The following TBC1D12 variants were observed in gnomAD, a reference collection of about 807,000 sequenced individuals.
TBC1D12 encodes the protein TBC1 domain family, member 12.
In TBC1D12, 56 loss-of-function variants were observed where a neutral mutation model predicts 86.7. The ratio of observed to expected loss-of-function variants is 0.65; its 90% CI spans 0.52 to 0.81. The LOEUF is 0.81. TBC1D12 is among the 30% of genes least tolerant of loss of function. The pLI, the probability that TBC1D12 is intolerant of heterozygous loss-of-function variation, is 0.00. For missense variants in TBC1D12, 1,023 were observed against 1,038.8 expected (o/e 0.98, Z 0.21); for synonymous variants, 421 against 411.7 (o/e 1.02, Z -0.27).
chr10:94,472,040 G>C (rs981014117), intron 2 of TBC1D12, among the ~76,000 whole-genome samples: 2 of 152,082 alleles, frequency 1.3e-5, no homozygotes, highest in African/African-American at 4.8e-5. Context: ...GTGGATTGGG[G>C]ATTCAGGCAT....
At chr10:94,482,967 A>G (rs1194258956) in intron 3 of TBC1D12, among the ~76,000 whole-genome samples, 1 of 152,086 alleles carries the variant, frequency 6.6e-6, no homozygotes, top group Admixed American at 6.6e-5. Context: ...ATATTGTTGC[A>G]AATGACAGGC....
At chr10:94,440,166 T>C (rs1480552193) in intron 1 of TBC1D12, among the ~76,000 whole-genome samples, 1 of 152,018 alleles carries the variant, frequency 6.6e-6, no homozygotes, top group Non-Finnish European at 1.5e-5. Flanking sequence ...GTTTATTTCC[T>C]TTTCCTTTCT....
At chr10:94,436,837 A>G (rs911441234) in intron 1 of TBC1D12, among the ~76,000 whole-genome samples, 2 of 151,272 alleles carry the variant, frequency 1.3e-5, no homozygotes, top group African/African-American at 4.9e-5. Flanking sequence ...CCTCCCGAGT[A>G]GCTGGGACTA....
Position 94,516,357 on chromosome 10 carries a change from GA to G in TBC1D12, c.1761+4710del, listed in dbSNP as rs905298271. On this transcript the variant is annotated intron_variant, in intron 9 of 12. Transcript: ENST00000225235. ...AATCTATTAGAGAAACTACATAAAT[GA>G]AAAAAACAAAACAAATTTATTTTTT... Among the ~76,000 whole-genome samples, 10 of 151,674 alleles carry G rather than the reference GA, an allele frequency of 6.6e-5. No homozygotes were observed. The East Asian group carries it at 7.7e-4, about 12-fold the overall frequency.
chr10:94,402,951 C>G lies in TBC1D12; in HGVS notation c.338C>G (p.Ser113Trp), dbSNP rs775565081. Reference sequence around the variant, plus strand: ...CGATCGGACGCCTGCCTGCTGGGCTCGGGCTCCAAACACCGCGGCGCGGAG... The same window carrying G: ...CGATCGGACGCCTGCCTGCTGGGCTGGGGCTCCAAACACCGCGGCGCGGAG... ...APRSDACLLG[S>W]GSKHRGAEVA... Residue 113 changes from serine (S) to tryptophan (W), a missense_variant, in exon 1 of 13, where the codon TCG (serine) becomes TGG (tryptophan). Physicochemically the swap from Ser to Trp is radical, Grantham distance 177. Transcript: ENST00000225235. 3.8e-6 allele frequency: 6 copies of G among 1,567,912 alleles called. No homozygotes were observed. The highest frequency in any genetic ancestry group is 4.3e-6 in the Non-Finnish European group (5 of 1,162,152).
intron 2 of TBC1D12, among the ~76,000 whole-genome samples, chr10:94,461,484 C>G (rs2055729448): frequency 6.6e-6 from 1 of 152,222 alleles, no homozygotes. Context: ...TTTTCCTCTC[C>G]TGCTGAAAGC....
intron 1 of TBC1D12, among the ~76,000 whole-genome samples, chr10:94,423,812 C>T (rs115991216): frequency 0.01 from 1,570 of 152,208 alleles, 26 homozygotes; most frequent in East Asian, 0.059. Flanking sequence ...AATAGCCACT[C>T]TGGGCTACTG....
intron 3 of TBC1D12, among the ~76,000 whole-genome samples, chr10:94,480,888 A>AG: frequency 6.6e-6 from 1 of 151,728 alleles, no homozygotes; most frequent in East Asian, 1.9e-4. Flanking sequence ...AAAAAAAAAA[A>AG]AGACTTGAAA....
chr10:94,516,900 A>G (rs1247404898), intron 9 of TBC1D12, among the ~76,000 whole-genome samples: 2 of 151,820 alleles, frequency 1.3e-5, no homozygotes, highest in Admixed American at 1.3e-4. Flanking sequence ...TTTTAGGCTA[A>G]ATTTTATTTT....
intron 3 of TBC1D12, among the ~76,000 whole-genome samples, chr10:94,486,073 A>T (rs2056155922): frequency 1.5e-5 from 2 of 135,358 alleles, no homozygotes; most frequent in East Asian, 2.3e-4. Flanking sequence ...TGTTTTGTTG[A>T]TCTTTTGTAT....
At chr10:94,432,136 G>A (rs1029110996) in intron 1 of TBC1D12, among the ~76,000 whole-genome samples, 1 of 152,136 alleles carries the variant, frequency 6.6e-6, no homozygotes, top group Non-Finnish European at 1.5e-5. Flanking sequence ...GAGAGAGAGT[G>A]AGTGTGTGTG....
At chr10:94,426,655 G>A (rs1410956113) in intron 1 of TBC1D12, among the ~76,000 whole-genome samples, 4 of 152,084 alleles carry the variant, frequency 2.6e-5, no homozygotes, top group Non-Finnish European at 5.9e-5. Flanking sequence ...TCGGCTCACT[G>A]CAACCTCTGC....
intron 2 of TBC1D12, among the ~76,000 whole-genome samples, chr10:94,469,992 C>A (rs1033614037): frequency 6.6e-6 from 1 of 152,158 alleles, no homozygotes; most frequent in African/African-American, 2.4e-5. Flanking sequence ...ACCCAGTTCA[C>A]CAAGTGGGAG....
At chr10:94,515,303 T>G (rs910176598) in intron 9 of TBC1D12, among the ~76,000 whole-genome samples, 3 of 152,100 alleles carry the variant, frequency 2.0e-5, no homozygotes, top group African/African-American at 7.2e-5. Context: ...AGGGGATATA[T>G]TCCAAGACAC....
intron 2 of TBC1D12, among the ~76,000 whole-genome samples, chr10:94,470,796 AT>A (rs1304563829): frequency 6.8e-6 from 1 of 146,538 alleles, no homozygotes; most frequent in Non-Finnish European, 1.5e-5. Context: ...TTCAGCAAAT[AT>A]TTAAGTTATT....
intron 3 of TBC1D12, among the ~76,000 whole-genome samples, chr10:94,487,378 G>A (rs1384981257): frequency 6.7e-5 from 10 of 149,878 alleles, no homozygotes; most frequent in African/African-American, 2.0e-4. Flanking sequence ...TTTGTTATGT[G>A]GTCTTCTCTT....
intron 6 of TBC1D12, among the ~76,000 whole-genome samples, chr10:94,506,201 T>A (rs529990320): frequency 6.6e-6 from 1 of 152,096 alleles, no homozygotes; most frequent in African/African-American, 2.4e-5. Flanking sequence ...CATGCCCAGC[T>A]AAATTTTTTG....
intron 2 of TBC1D12, among the ~76,000 whole-genome samples, chr10:94,468,087 A>G (rs982559732): frequency 1.3e-5 from 2 of 152,178 alleles, no homozygotes. Flanking sequence ...TCTACCTTCA[A>G]ATAACTTTAT....
chr10:94,474,783 CGTAA>C lies in TBC1D12; in HGVS notation c.1211+4_1211+7del, dbSNP rs1564965245. 2.5e-6 allele frequency: 4 copies of C among 1,611,568 alleles called. No individual in the cohort carries two copies. The highest frequency in any genetic ancestry group is 1.1e-5 in the South Asian group (1 of 90,882). ...GCCTTGATTCTTGAGGATCGACCAT[CGTAA>C]GTATTTTAGTGATAATCAGTGACAT... On this transcript the variant is annotated splice_donor_variant and splice_donor_region_variant and intron_variant, in intron 3 of 12. Transcript: ENST00000225235. LOFTEE classifies it high-confidence loss of function.
Sources: gnomAD v4.1 joint callset for allele counts (sites outside exome capture counted in the v4.1 genomes callset) on GRCh38, gnomAD v4.1.1 for gene constraint, MANE v1.5 for transcripts, NCBI Gene and HGNC (gene_info 2026-07-23, HGNC 2026-07-21) for gene names.